The following KALRN variants were observed in gnomAD, a reference collection of about 807,000 sequenced individuals.
The protein encoded by KALRN is kalirin.
A neutral mutation model predicts 353.7 loss-of-function variants in KALRN; 70 were observed. That is an observed-to-expected ratio of 0.20 (90% CI 0.16 to 0.24). KALRN has a LOEUF of 0.24. Among genes scored for constraint, KALRN ranks in the 10% least tolerant of loss-of-function variants. The pLI, the probability that KALRN is intolerant of heterozygous loss-of-function variation, is 1.00. For synonymous variants in KALRN, 1,391 were observed against 1,434.8 expected (o/e 0.97, Z 0.69); for missense variants, 2,791 against 3,756.7 (o/e 0.74, Z 6.72).
At chr3:124,215,275 A>G (rs1035523798) in intron 1 of KALRN, among the ~76,000 whole-genome samples, 8 of 152,176 alleles carry the variant, frequency 5.3e-5, no homozygotes, top group African/African-American at 1.9e-4. Context: ...TACTCGCCGA[A>G]TAGCCCAGAT....
chr3:124,337,134 T>A (rs943607855), intron 9 of KALRN, among the ~76,000 whole-genome samples: 6 of 152,192 alleles, frequency 3.9e-5, no homozygotes, highest in African/African-American at 1.4e-4. Context: ...CTGTTCCTAT[T>A]TGAATACCCT....
chr3:124,079,569 TTGA>T (rs1236954360), intron 1 of KALRN, among the ~76,000 whole-genome samples: 2 of 152,198 alleles, frequency 1.3e-5, no homozygotes, highest in African/African-American at 4.8e-5. Flanking sequence ...GGATTTGGAA[TTGA>T]TGAGACTACA....
chr3:124,329,003 T>C (rs1174830750), intron 7 of KALRN, among the ~76,000 whole-genome samples: 1 of 152,216 alleles, frequency 6.6e-6, no homozygotes, highest in African/African-American at 2.4e-5. Context: ...AAGAGGTCTT[T>C]AGGCAATTAA....
At chr3:124,339,909 C>A (rs1427916952) in intron 9 of KALRN, among the ~76,000 whole-genome samples, 1 of 152,136 alleles carries the variant, frequency 6.6e-6, no homozygotes, top group Non-Finnish European at 1.5e-5. Flanking sequence ...CAGAGAGAAC[C>A]AGGTGAGGAA....
Position 124,509,401 on chromosome 3 carries a change from G to C in KALRN, c.4935+12988G>C, listed in dbSNP as rs1370351996. Among the ~76,000 whole-genome samples, 9 of 152,144 alleles carry C rather than the reference G, an allele frequency of 5.9e-5. No homozygotes were observed. In the East Asian group the frequency reaches 1.7e-3, roughly 29 times the overall value. ...TTTTTGTATTTTTAGTAGAGACGGAGTTTCACCATGTTGGCCAGGCTGGTC... is the reference window on the plus strand; with the variant it reads ...TTTTTGTATTTTTAGTAGAGACGGACTTTCACCATGTTGGCCAGGCTGGTC... On this transcript the variant is annotated intron_variant, in intron 33 of 59. Transcript: ENST00000682506.
intron 34 of KALRN, among the ~76,000 whole-genome samples, chr3:124,587,047 CTT>C (rs1212430506): frequency 1.3e-5 from 2 of 152,200 alleles, no homozygotes; most frequent in African/African-American, 4.8e-5. Flanking sequence ...TCCGTGGACT[CTT>C]TGGGAAGAGG....
chr3:124,656,880 G>A (rs967711534), intron 39 of KALRN, among the ~76,000 whole-genome samples: 3 of 152,114 alleles, frequency 2.0e-5, no homozygotes, highest in Non-Finnish European at 4.4e-5. Context: ...ATGCAGTCCA[G>A]CCCAGGAGTA....
rs760016132 is a variant in KALRN at position 124,539,922 on chromosome 3, T to TTTGGGGG, written c.4936-22921_4936-22920insTTGGGGG. On this transcript the variant is annotated intron_variant, in intron 33 of 59. Coordinates refer to ENST00000682506, the MANE Select transcript of KALRN (RefSeq NM_001388419.1). ...ATCACCACACCAAGCTAATTTTTTT[T>TTTGGGGG]GGGGGGGGGGACAGGGTCTCACTGT... 2.4e-4 allele frequency among the ~76,000 whole-genome samples: 32 copies of TTTGGGGG among 131,988 alleles called. 1 individual carries two copies. Among genetic ancestry groups the TTTGGGGG allele is most frequent in the Non-Finnish European group, 3.4e-4 (21 of 62,500 alleles). 86.6% of individuals were successfully genotyped at this position (131,988 alleles called of 152,430 possible).
At chr3:124,364,108 C>G (rs1156944832) in intron 10 of KALRN, among the ~76,000 whole-genome samples, 3 of 152,192 alleles carry the variant, frequency 2.0e-5, no homozygotes, top group Admixed American at 6.5e-5. Flanking sequence ...GATCCTGCCT[C>G]CAAGCCAGCT....
chr3:124,649,260 T>G (rs2083108981), intron 37 of KALRN, among the ~76,000 whole-genome samples: 1 of 152,246 alleles, frequency 6.6e-6, no homozygotes, highest in Admixed American at 6.5e-5. Flanking sequence ...CTTTCTGTTC[T>G]ACCTGTTTAG....
intron 14 of KALRN, among the ~76,000 whole-genome samples, chr3:124,416,805 T>C (rs990814461): frequency 6.6e-6 from 1 of 152,258 alleles, no homozygotes; most frequent in Non-Finnish European, 1.5e-5. Flanking sequence ...CTTTGTTTAA[T>C]GGACTGTATT....
chr3:124,456,696 T>C lies in KALRN; in HGVS notation c.3822T>C (p.Asn1274=). 3 of 1,613,034 alleles carry C rather than the reference T, an allele frequency of 1.9e-6. No homozygotes were observed. The highest frequency in any genetic ancestry group is 2.5e-6 in the Non-Finnish European group (3 of 1,179,326). ...TGCGGGACGCCAACCACGAAGTCAA[T>C]GAAGAGAAGCGGAAGTCAGCCCGGA... ...VKLRDANHEV[N]EEKRKSARKK... The change falls in exon 23 of 60, where the codon AAT becomes AAC. Residue 1274 remains asparagine (N), a synonymous_variant. Coordinates refer to ENST00000682506, the MANE Select transcript of KALRN (RefSeq NM_001388419.1).
intron 33 of KALRN, among the ~76,000 whole-genome samples, chr3:124,554,689 T>C (rs560279975): frequency 6.6e-6 from 1 of 152,142 alleles, no homozygotes; most frequent in Admixed American, 6.5e-5. Flanking sequence ...GTTAGAGAGG[T>C]TTTTCTGAAA....
At chr3:124,294,513 T>G (rs78896894) in intron 5 of KALRN, among the ~76,000 whole-genome samples, 35,586 of 136,830 alleles carry the variant, frequency 0.26, 6,116 homozygotes, top group Non-Finnish European at 0.39. Context: ...ACTAAGAAGA[T>G]TCTCTTCTTT....
chr3:124,233,806 G>A (rs1258541340), intron 2 of KALRN, among the ~76,000 whole-genome samples: 1 of 152,128 alleles, frequency 6.6e-6, no homozygotes. Flanking sequence ...CTACTCTGGG[G>A]TATATCCAGT....
intron 51 of KALRN, among the ~76,000 whole-genome samples, chr3:124,683,766 T>C (rs2061440284): frequency 6.6e-6 from 1 of 152,166 alleles, no homozygotes; most frequent in African/African-American, 2.4e-5. Flanking sequence ...GATATTTAGC[T>C]TGGGGAGTTA....
intron 1 of KALRN, among the ~76,000 whole-genome samples, chr3:124,225,623 G>A (rs1211906): frequency 6.6e-6 from 1 of 152,206 alleles, no homozygotes; most frequent in East Asian, 1.9e-4. Flanking sequence ...GTGGGGAGAA[G>A]GAAGAGGTGG....
At chr3:124,262,696 C>T (rs2073039478) in intron 3 of KALRN, among the ~76,000 whole-genome samples, 1 of 152,120 alleles carries the variant, frequency 6.6e-6, no homozygotes, top group Non-Finnish European at 1.5e-5. Context: ...GCTGTGGTCT[C>T]TTAATGAGGC....
At chr3:124,115,372 A>G (rs1436992566) in intron 1 of KALRN, among the ~76,000 whole-genome samples, 1 of 152,200 alleles carries the variant, frequency 6.6e-6, no homozygotes, top group East Asian at 1.9e-4. Flanking sequence ...GTCACTTAGC[A>G]GCACTGGTGT....
Sources: gnomAD v4.1 joint callset for allele counts (sites outside exome capture counted in the v4.1 genomes callset) on GRCh38, gnomAD v4.1.1 for gene constraint, MANE v1.5 for transcripts, NCBI Gene and HGNC (gene_info 2026-07-23, HGNC 2026-07-21) for gene names.